Variants in PDE1C observed in about 807,000 individuals in gnomAD.
PDE1C encodes dual specificity calcium/calmodulin-dependent 3',5'-cyclic nucleotide phosphodiesterase 1C.
PDE1C carries 62 observed loss-of-function variants against 93.1 expected under a neutral mutation model. That is an observed-to-expected ratio of 0.67 (90% CI 0.54 to 0.82). The LOEUF (loss-of-function observed/expected upper bound fraction) is 0.82. Among genes scored for constraint, PDE1C ranks in the 40% least tolerant of loss-of-function variants. The pLI, the probability that PDE1C is intolerant of heterozygous loss-of-function variation, is 0.00. For missense variants in PDE1C, 742 were observed against 884.6 expected, an observed-to-expected ratio of 0.84 and a Z score of 2.04; for synonymous variants, 325 against 310.1, an observed-to-expected ratio of 1.05 and a Z score of -0.50.
At chr7:32,112,901 T>C (rs2128757423) in intron 3 of PDE1C, among the ~76,000 whole-genome samples, 2 of 147,138 alleles carry the variant, frequency 1.4e-5, no homozygotes, top group East Asian at 4.0e-4. Context: ...TTCTTGGTTA[T>C]TGTGATGCTT....
At chr7:32,287,436 T>C (rs1419022113) in intron 1 of PDE1C, among the ~76,000 whole-genome samples, 2 of 152,154 alleles carry the variant, frequency 1.3e-5, no homozygotes, top group African/African-American at 4.8e-5. Flanking sequence ...ACAAATTAGA[T>C]ACCCCTGCTG....
At chr7:32,040,596 G>A (rs989436230) in intron 2 of PDE1C, among the ~76,000 whole-genome samples, 3 of 152,132 alleles carry the variant, frequency 2.0e-5, no homozygotes, top group Non-Finnish European at 2.9e-5. Context: ...ACAGAAGCCA[G>A]GCATTCTGAC....
At chr7:31,747,169 T>C (rs993839940), downstream of PDE1C, among the ~76,000 whole-genome samples, 17 of 152,086 alleles carry the variant, frequency 1.1e-4, no homozygotes, top group African/African-American at 3.4e-4. Flanking sequence ...GGGAGCAGGC[T>C]CAACAAAGGG....
chr7:32,053,658 C>A (rs763439685), intron 1 of PDE1C, among the ~76,000 whole-genome samples: 1 of 152,138 alleles, frequency 6.6e-6, no homozygotes, highest in African/African-American at 2.4e-5. Flanking sequence ...ACAGCCCTTG[C>A]TATTGGTTTC....
At chr7:31,982,093 T>C (rs1468758347) in intron 2 of PDE1C, among the ~76,000 whole-genome samples, 1 of 152,210 alleles carries the variant, frequency 6.6e-6, no homozygotes, top group Admixed American at 6.5e-5. Flanking sequence ...TAGAGCACTG[T>C]GCTTTCCATC....
At chr7:31,977,040 C>T (rs1047453629) in intron 2 of PDE1C, among the ~76,000 whole-genome samples, 5 of 152,280 alleles carry the variant, frequency 3.3e-5, no homozygotes, top group Admixed American at 1.3e-4. Context: ...TTTTAACAAG[C>T]CTTTCAATGA....
At position 31,753,471 on chromosome 7, in the gene PDE1C, A is replaced by G; in HGVS notation, c.2043T>C (p.Asp681=). ...GCATCTTGTACCTTGCAGGATGCTC[A>G]TCAGTTTTCTTTGAGACTGAAGGTG... ...SYAPSVSKKT[D]EHPARYKMLD... is the part of the protein sequence containing the mutation. Residue 681 remains aspartate, a synonymous_variant, in exon 18 of 18, where the codon GAT becomes GAC. Transcript: ENST00000396191. The G allele has an allele frequency of 6.2e-7, 1 of 1,612,586 alleles. No homozygotes were observed. Among genetic ancestry groups the G allele is most frequent in the Non-Finnish European group, 8.5e-7 (1 of 1,179,744 alleles).
intron 2 of PDE1C, among the ~76,000 whole-genome samples, chr7:31,973,137 G>A (rs1216906111): frequency 1.3e-5 from 2 of 152,036 alleles, no homozygotes; most frequent in African/African-American, 4.8e-5. Context: ...CACTAGAAGG[G>A]CTCAATAGGC....
chr7:32,183,343 G>C (rs1421149725), intron 2 of PDE1C, among the ~76,000 whole-genome samples: 2 of 152,178 alleles, frequency 1.3e-5, no homozygotes, highest in Admixed American at 6.5e-5. Context: ...GCATTGCCAA[G>C]TCAATCCTAA....
chr7:32,084,842 C>T (rs1480806492), intron 3 of PDE1C, among the ~76,000 whole-genome samples: 1 of 142,758 alleles, frequency 7.0e-6, no homozygotes, highest in Non-Finnish European at 1.6e-5. Context: ...CTCTGGGACG[C>T]ATTCAAAGCA....
rs1346424054 is a variant in PDE1C, at chr7:31,811,968, G to C, written c.1814-2860C>G. Among the ~76,000 whole-genome samples the C allele has an allele frequency of 2.0e-5, 3 of 152,160 alleles. No individual in the cohort carries two copies. The East Asian group carries it at 5.8e-4, about 29-fold the overall frequency. The stretch of plus-strand genomic sequence containing the variant: ...CTGGGACAGTGACACATGCTTGTTT[G>C]ATGATGTTGCCTGAGCAAAATCCAT... On this transcript the variant is annotated intron_variant, in intron 15 of 17. Coordinates refer to ENST00000396191, the MANE Select transcript of PDE1C (RefSeq NM_001191057.4).
At chr7:31,895,099 C>T (rs1442622824) in intron 2 of PDE1C, among the ~76,000 whole-genome samples, 1 of 152,186 alleles carries the variant, frequency 6.6e-6, no homozygotes, top group Non-Finnish European at 1.5e-5. Flanking sequence ...ACAGTTCAGA[C>T]CACCTGCATC....
intron 2 of PDE1C, among the ~76,000 whole-genome samples, chr7:31,992,252 C>A (rs1418168623): frequency 6.6e-6 from 1 of 152,196 alleles, no homozygotes; most frequent in African/African-American, 2.4e-5. Context: ...GGCTCCAGCT[C>A]AGTGACACCC....
intron 2 of PDE1C, among the ~76,000 whole-genome samples, chr7:32,008,046 T>C (rs1360127161): frequency 2.6e-5 from 4 of 152,224 alleles, no homozygotes; most frequent in Non-Finnish European, 4.4e-5. Flanking sequence ...GTTTTTGGTA[T>C]TGTTTTCCAC....
the PDE1C span, chr7:31,697,136 G>A: frequency 0.02 from 32,485 of 1,612,552 alleles, 601 homozygotes; most frequent in Middle Eastern, 0.047. Flanking sequence ...GCTGGTGCAG[G>A]GCATTTGCAG....
chr7:31,999,175 G>A (rs1309389837), intron 2 of PDE1C, among the ~76,000 whole-genome samples: 2 of 152,194 alleles, frequency 1.3e-5, no homozygotes, highest in Admixed American at 6.5e-5. Flanking sequence ...GACAGTTGGG[G>A]GCAGAGTCAT....
chr7:31,623,889 A>T, the PDE1C span, among the ~76,000 whole-genome samples: 3 of 151,880 alleles, frequency 2.0e-5, no homozygotes, highest in Admixed American at 1.3e-4. Context: ...CTCAGCCCAA[A>T]ATCTCCTTAA....
At chr7:31,882,233 T>A (rs893807392) in intron 2 of PDE1C, among the ~76,000 whole-genome samples, 1 of 152,138 alleles carries the variant, frequency 6.6e-6, no homozygotes, top group African/African-American at 2.4e-5. Flanking sequence ...AACGGAAATA[T>A]GCAAAGGAAA....
intron 1 of PDE1C, among the ~76,000 whole-genome samples, chr7:32,227,668 A>G (rs1807393711): frequency 6.6e-6 from 1 of 152,062 alleles, no homozygotes; most frequent in South Asian, 2.1e-4. Context: ...CCCTATGTGC[A>G]CTCTTCCCAC....
Sources: gnomAD v4.1 joint callset for allele counts (sites outside exome capture counted in the v4.1 genomes callset) on GRCh38, gnomAD v4.1.1 for gene constraint, MANE v1.5 for transcripts, NCBI Gene and HGNC (gene_info 2026-07-23, HGNC 2026-07-21) for gene names.